The following PPP3CC variants were observed in gnomAD, a reference collection of about 807,000 sequenced individuals.
The protein encoded by PPP3CC is protein phosphatase 3 catalytic subunit gamma, also known as serine/threonine-protein phosphatase 2B catalytic subunit gamma isoform.
In PPP3CC, 35 loss-of-function variants were observed where a neutral mutation model predicts 60.3. That is an observed-to-expected ratio of 0.58 (90% CI 0.44 to 0.77). PPP3CC has a LOEUF of 0.77. PPP3CC is among the 30% of genes least tolerant of loss of function. The pLI is 0.00. For synonymous variants in PPP3CC, 206 were observed against 224.3 expected, an observed-to-expected ratio of 0.92 and a Z score of 0.73; for missense variants, 570 against 628.9, an observed-to-expected ratio of 0.91 and a Z score of 1.00.
chr8:22,441,470 G>A lies in PPP3CC; in HGVS notation c.49+12G>A. On this transcript the variant is annotated intron_variant, in intron 1 of 13. Transcript: ENST00000240139. The stretch of plus-strand genomic sequence containing the variant: ...CCGCGTCATCAAAGGTGCCTGGCGG[G>A]CCGGGCCTTCCTCTGGGACCCGCGG... 1 of 1,531,430 alleles carries A rather than the reference G, an allele frequency of 6.5e-7. No individual in the cohort carries two copies. Among genetic ancestry groups the A allele is most frequent in the Non-Finnish European group, 8.8e-7 (1 of 1,137,960 alleles). 94.9% of individuals were successfully genotyped at this position (1,531,430 alleles called of 1,614,324 possible). A position where few individuals can be genotyped will look rare whatever the true frequency, so the allele number is the denominator to read the frequency against.
intron 1 of PPP3CC, among the ~76,000 whole-genome samples, chr8:22,451,914 G>C (rs1837039040): frequency 6.6e-6 from 1 of 152,016 alleles, no homozygotes; most frequent in Non-Finnish European, 1.5e-5. Context: ...GAAACAATCT[G>C]AAATTGAAAT....
intron 13 of PPP3CC, 84 bp downstream of exon 13, chr8:22,539,582 A>T: frequency 7.3e-7 from 1 of 1,367,330 alleles, no homozygotes; most frequent in South Asian, 1.3e-5. Flanking sequence ...CAAATATTTT[A>T]TTATTGCATC....
chr8:22,498,047 T>C lies in PPP3CC; in HGVS notation c.419T>C (p.Leu140Ser), dbSNP rs759515600. 8 of 1,613,464 alleles carry C rather than the reference T, an allele frequency of 5.0e-6. No individual in the cohort carries two copies. Among genetic ancestry groups the C allele is most frequent in the Non-Finnish European group, 6.8e-6 (8 of 1,179,626 alleles). Reference sequence around the variant, plus strand: ...TTAAAGATTAATCATCCCAAAACATTGTTTCTGCTTCGGGGAAATCATGAA... The same window carrying C: ...TTAAAGATTAATCATCCCAAAACATCGTTTCTGCTTCGGGGAAATCATGAA... ...WSLKINHPKTLFLLRGNHECR... is the reference protein window; with the variant it reads ...WSLKINHPKTSFLLRGNHECR... The change falls in exon 4 of 14, where the codon TTG becomes TCG. Residue 140 changes from leucine (L) to serine (S), a missense_variant. Physicochemically the swap from Leu to Ser is moderately radical, Grantham distance 145. Coordinates refer to ENST00000240139, the MANE Select transcript of PPP3CC (RefSeq NM_005605.5).
chr8:22,496,752 C>T (rs753783760), intron 3 of PPP3CC, among the ~76,000 whole-genome samples: 1 of 151,916 alleles, frequency 6.6e-6, no homozygotes, highest in East Asian at 1.9e-4. Flanking sequence ...CTGCCTCGGC[C>T]TCCCCAAGTG....
chr8:22,523,562 T>G, intron 8 of PPP3CC: 1 of 382,174 alleles, frequency 2.6e-6, no homozygotes, highest in South Asian at 1.9e-5. Flanking sequence ...GTAGTTACCT[T>G]GGGAGGCTAC....
chr8:22,518,238 A>C (rs1586856494), intron 6 of PPP3CC, among the ~76,000 whole-genome samples: 1 of 151,864 alleles, frequency 6.6e-6, no homozygotes, highest in South Asian at 2.1e-4. Flanking sequence ...ATTGTTTTTA[A>C]AATTTTTAGA....
intron 1 of PPP3CC, among the ~76,000 whole-genome samples, chr8:22,473,128 CA>C (rs1837780379): frequency 6.6e-6 from 1 of 152,126 alleles, no homozygotes; most frequent in Non-Finnish European, 1.5e-5. Context: ...GTAAATGATA[CA>C]ATATGGTATG....
Position 22,453,292 on chromosome 8 carries a change from T to C in PPP3CC, c.49+11834T>C, listed in dbSNP as rs1400708275. ...ATTTGACAGTAGATCTATTTTACTT[T>C]AAGTGACATGTGAAATGAAGATTTA... On this transcript the variant is annotated intron_variant, in intron 1 of 13. Coordinates refer to ENST00000240139, the MANE Select transcript of PPP3CC (RefSeq NM_005605.5). Among the ~76,000 whole-genome samples, 3 of 152,260 alleles carry C rather than the reference T, an allele frequency of 2.0e-5. No individual in the cohort carries two copies. The East Asian group carries it at 5.8e-4, about 29-fold the overall frequency.
intron 10 of PPP3CC, chr8:22,531,306 C>G: frequency 6.5e-7 from 1 of 1,531,858 alleles, no homozygotes; most frequent in Non-Finnish European, 8.7e-7. Flanking sequence ...CTGAAGATCA[C>G]TACATTCCAA....
At chr8:22,539,696 C>T (rs1423393965) in intron 13 of PPP3CC, among the ~76,000 whole-genome samples, 198 bp downstream of exon 13, 3 of 152,212 alleles carry the variant, frequency 2.0e-5, no homozygotes, top group Non-Finnish European at 4.4e-5. Context: ...AAATAACCTT[C>T]ACCACAGCTA....
chr8:22,455,991 T>C (rs1418702738), intron 1 of PPP3CC, among the ~76,000 whole-genome samples: 1 of 152,216 alleles, frequency 6.6e-6, no homozygotes, highest in Non-Finnish European at 1.5e-5. Flanking sequence ...GGTAATAATA[T>C]TTAATGTAAC....
Position 22,443,261 on chromosome 8 carries a change from G to A in PPP3CC, c.49+1803G>A, listed in dbSNP as rs539654096. 7.2e-4 allele frequency among the ~76,000 whole-genome samples: 109 copies of A among 152,140 alleles called. 1 individual carries two copies. The highest frequency in any genetic ancestry group is 2.6e-3 in the African/African-American group (106 of 41,500). ...GCTAGGGGCAGGCATGGTGGCTCAC[G>A]CCTGTAACCCCAGCACTTTGGAAGG... On this transcript the variant is annotated intron_variant, in intron 1 of 13. Coordinates refer to ENST00000240139, the MANE Select transcript of PPP3CC (RefSeq NM_005605.5).
At chr8:22,489,362 T>C (rs1478276771) in intron 3 of PPP3CC, among the ~76,000 whole-genome samples, 1 of 151,768 alleles carries the variant, frequency 6.6e-6, no homozygotes, top group Non-Finnish European at 1.5e-5. Flanking sequence ...TTTGTGCTTA[T>C]CTGTGATCTC....
At chr8:22,460,018 T>G (rs1837320459) in intron 1 of PPP3CC, among the ~76,000 whole-genome samples, 1 of 152,150 alleles carries the variant, frequency 6.6e-6, no homozygotes, top group Admixed American at 6.5e-5. Flanking sequence ...AAGAAAACAT[T>G]AGAAGATTGT....
At chr8:22,503,766 GCTTT>G (rs1838831012) in intron 4 of PPP3CC, among the ~76,000 whole-genome samples, 2 of 152,206 alleles carry the variant, frequency 1.3e-5, no homozygotes, top group South Asian at 2.1e-4. Flanking sequence ...AAACCTGATG[GCTTT>G]CTTTTTCTCC....
intron 1 of PPP3CC, among the ~76,000 whole-genome samples, chr8:22,465,341 C>A (rs1189299950): frequency 2.0e-5 from 3 of 152,020 alleles, no homozygotes; most frequent in Non-Finnish European, 2.9e-5. Flanking sequence ...ATGTTGGCTG[C>A]CTGGGTGATG....
intron 8 of PPP3CC, among the ~76,000 whole-genome samples, chr8:22,526,512 A>C (rs1839565848): frequency 6.6e-6 from 1 of 152,192 alleles, no homozygotes; most frequent in Non-Finnish European, 1.5e-5. Flanking sequence ...TATGGTGTAC[A>C]TTTTAGACAT....
At chr8:22,488,027 C>T (rs949405741) in intron 3 of PPP3CC, among the ~76,000 whole-genome samples, 1 of 152,034 alleles carries the variant, frequency 6.6e-6, no homozygotes, top group African/African-American at 2.4e-5. Context: ...AATTAGAGGC[C>T]AAGAAGCACA....
chr8:22,468,023 A>T (rs1245499955), intron 1 of PPP3CC, among the ~76,000 whole-genome samples: 1 of 152,234 alleles, frequency 6.6e-6, no homozygotes, highest in East Asian at 1.9e-4. Context: ...CATGTTGGGG[A>T]TTAGGTTTTA....
Sources: gnomAD v4.1 joint callset for allele counts (sites outside exome capture counted in the v4.1 genomes callset) on GRCh38, gnomAD v4.1.1 for gene constraint, MANE v1.5 for transcripts, NCBI Gene and HGNC (gene_info 2026-07-23, HGNC 2026-07-21) for gene names.